The following NFXL1 variants were observed in gnomAD, a reference collection of about 807,000 sequenced individuals.
NFXL1 encodes the protein NF-X1-type zinc finger protein NFXL1.
NFXL1 carries 66 observed loss-of-function variants against 123.3 expected under a neutral mutation model. The observed-to-expected ratio is 0.54, with a 90% CI of 0.44 to 0.66. The LOEUF (loss-of-function observed/expected upper bound fraction) is 0.66. Among genes scored for constraint, NFXL1 ranks in the 30% least tolerant of loss-of-function variants. The pLI is 0.00. For synonymous variants in NFXL1, 346 were observed against 360.8 expected (o/e 0.96, Z 0.46); for missense variants, 944 against 1,125.6 (o/e 0.84, Z 2.31).
At position 47,848,083 on chromosome 4, in the gene NFXL1, T is replaced by C; in HGVS notation, c.*80A>G. The stretch of plus-strand genomic sequence containing the variant: ...GAATGTAAATATATATCATGTTCTA[T>C]AATATACATTTTCTAATATTTCAAA... On this transcript the variant is annotated 3_prime_UTR_variant, in exon 23 of 23. Transcript: ENST00000507489. 2.4e-6 allele frequency: 2 copies of C among 850,990 alleles called. No individual in the cohort carries two copies. The highest frequency in any genetic ancestry group is 3.7e-5 in the South Asian group (2 of 54,232). The allele number at this position is 850,990 out of a possible 1,614,324, so 52.7% of individuals were successfully genotyped here.
chr4:47,897,436 CA>C (rs1482693752), intron 9 of NFXL1, among the ~76,000 whole-genome samples: 3 of 152,156 alleles, frequency 2.0e-5, no homozygotes, highest in African/African-American at 7.2e-5. Context: ...AAAGCTTACT[CA>C]AAGTGCCATC....
chr4:47,854,710 C>G (rs541820857), intron 20 of NFXL1, among the ~76,000 whole-genome samples: 2 of 152,084 alleles, frequency 1.3e-5, no homozygotes, highest in Non-Finnish European at 2.9e-5. Flanking sequence ...AGCAATGAAA[C>G]ATTCTACCCG....
chr4:47,881,706 T>G (rs1003776118), intron 15 of NFXL1, among the ~76,000 whole-genome samples: 15 of 152,086 alleles, frequency 9.9e-5, no homozygotes, highest in African/African-American at 3.1e-4. Context: ...ATGATAAAAA[T>G]AAATGAGCTA....
chr4:47,907,418 C>T (rs6826909), intron 3 of NFXL1, among the ~76,000 whole-genome samples: 125,806 of 152,218 alleles, frequency 0.83, 52,202 homozygotes, highest in East Asian at 0.98. Context: ...GATGGGTCCA[C>T]GTGCCAGCAA....
chr4:47,890,711 GA>G lies in NFXL1; in HGVS notation c.1453-9del. 1 of 1,539,392 alleles carries G rather than the reference GA, an allele frequency of 6.5e-7. No individual in the cohort carries two copies. Among genetic ancestry groups the G allele is most frequent in the Non-Finnish European group, 9.0e-7 (1 of 1,112,904 alleles). On this transcript the variant is annotated splice_polypyrimidine_tract_variant and intron_variant, in intron 11 of 22. Coordinates refer to ENST00000507489, the MANE Select transcript of NFXL1 (RefSeq NM_001278624.2). ...ACAGTTTCCAGGGCAACACTGAAGA[GA>G]AAGCAATATATAAAGAACAGGTAAT...
At chr4:47,898,451 C>T (rs1372239160) in intron 8 of NFXL1, among the ~76,000 whole-genome samples, 2 of 151,886 alleles carry the variant, frequency 1.3e-5, no homozygotes, top group African/African-American at 2.4e-5. Flanking sequence ...ATTCAAGAAG[C>T]AGGGAGGCGT....
chr4:47,909,248 T>C (rs967620726), intron 3 of NFXL1, among the ~76,000 whole-genome samples: 1 of 152,136 alleles, frequency 6.6e-6, no homozygotes, highest in Non-Finnish European at 1.5e-5. Context: ...AAGCCAAGAA[T>C]CAAACCGTAG....
In NFXL1 at chr4:47,862,915, T is replaced by C; in HGVS notation, c.2247A>G (p.Arg749=). 1 of 1,545,988 alleles carries C rather than the reference T, an allele frequency of 6.5e-7. No homozygotes were observed. Among genetic ancestry groups the C allele is most frequent in the Non-Finnish European group, 8.7e-7 (1 of 1,146,448 alleles). The change falls in exon 19 of 23, where the codon AGA becomes AGG. Residue 749 remains arginine, a splice_region_variant and synonymous_variant. Transcript: ENST00000507489. ...CKITSLYVEC[R]KITTADVNEK... ...CATTTACATCAGCTGTGGTTATTTTTCTAAAAATAAGAAAGTTGATGACAT... is the reference window on the plus strand; with the variant it reads ...CATTTACATCAGCTGTGGTTATTTTCCTAAAAATAAGAAAGTTGATGACAT...
intron 18 of NFXL1, among the ~76,000 whole-genome samples, chr4:47,874,320 G>A (rs1735612945): frequency 6.6e-6 from 1 of 152,076 alleles, no homozygotes; most frequent in Non-Finnish European, 1.5e-5. Context: ...ATCATTTCTA[G>A]CTTTTGATTT....
intron 15 of NFXL1, among the ~76,000 whole-genome samples, chr4:47,883,235 C>T (rs1255371872): frequency 7.3e-5 from 11 of 150,928 alleles, no homozygotes; most frequent in Admixed American, 6.6e-5. Flanking sequence ...ACGGAGACTC[C>T]GTCTCAAAGA....
At position 47,884,274 on chromosome 4, in the gene NFXL1, G is replaced by T. The variant is rs1736294446; in HGVS notation, c.1916+72C>A. The T allele has an allele frequency of 1.2e-5, 10 of 812,798 alleles. No individual in the cohort carries two copies. In the South Asian group the frequency reaches 1.5e-4, roughly 12 times the overall value. The allele number at this position is 812,798 out of a possible 1,614,324, so 50.3% of individuals were successfully genotyped here. ...ACTGAACTAAGAAAAAAGGGAGATT[G>T]ACTTCAGATACCCTTTAAGCTATGT... On this transcript the variant is annotated intron_variant, in intron 15 of 22. Coordinates refer to ENST00000507489, the MANE Select transcript of NFXL1 (RefSeq NM_001278624.2).
intron 22 of NFXL1, among the ~76,000 whole-genome samples, chr4:47,849,195 A>G (rs1309749857): frequency 6.6e-6 from 1 of 152,202 alleles, no homozygotes; most frequent in African/African-American, 2.4e-5. Context: ...TAAAAATAGT[A>G]AAAATTCTTC....
chr4:47,903,391 T>G, intron 4 of NFXL1, 68 bp from the exon 5 acceptor site: 1 of 1,097,928 alleles, frequency 9.1e-7, no homozygotes, highest in Admixed American at 3.1e-5. Context: ...TAATTTAAAA[T>G]GAGTATCACA....
intron 12 of NFXL1, among the ~76,000 whole-genome samples, chr4:47,887,307 C>T (rs902926488): frequency 1.3e-5 from 2 of 151,910 alleles, no homozygotes; most frequent in African/African-American, 4.8e-5. Context: ...AAACATGGAC[C>T]GGGAGTTAAC....
chr4:47,899,333 C>A (rs768922384), intron 6 of NFXL1, 37 bp downstream of exon 6: 115 of 1,506,306 alleles, frequency 7.6e-5, no homozygotes, highest in Non-Finnish European at 9.9e-5. Flanking sequence ...AAGAAATAAT[C>A]ACCCACAAAC....
rs1223155636 is a variant in NFXL1 at position 47,851,805 on chromosome 4, T to C, written c.2508+51A>G. On this transcript the variant is annotated intron_variant, in intron 21 of 22. Coordinates refer to ENST00000507489, the MANE Select transcript of NFXL1 (RefSeq NM_001278624.2). ...TTAATAAGTACATAAATGCACAAAA[T>C]AAGAAGGGAAAGGCCACTAGTCTTT... 3 of 1,182,102 alleles carry C rather than the reference T, an allele frequency of 2.5e-6. No individual in the cohort carries two copies. The African/African-American group carries it at 4.6e-5, about 18-fold the overall frequency. 73.2% of individuals were successfully genotyped at this position (1,182,102 alleles called of 1,614,324 possible). A position where few individuals can be genotyped will look rare whatever the true frequency, so the allele number is the denominator to read the frequency against.
At chr4:47,880,952 G>A (rs1419527560) in intron 15 of NFXL1, among the ~76,000 whole-genome samples, 3 of 151,976 alleles carry the variant, frequency 2.0e-5, no homozygotes, top group Admixed American at 6.6e-5. Context: ...GGATGGAAAA[G>A]GTAGAGGGAG....
chr4:47,881,188 A>G (rs893777137), intron 15 of NFXL1, among the ~76,000 whole-genome samples: 35 of 152,128 alleles, frequency 2.3e-4, no homozygotes, highest in Admixed American at 1.7e-3. Flanking sequence ...AAATAGCTAG[A>G]AAAGAGGATA....
chr4:47,876,969 T>C, intron 17 of NFXL1: 1 of 562,868 alleles, frequency 1.8e-6, no homozygotes, highest in Non-Finnish European at 2.7e-6. Flanking sequence ...GAGCAAATAT[T>C]AGGCAGTGAG....
Sources: gnomAD v4.1 joint callset for allele counts (sites outside exome capture counted in the v4.1 genomes callset) on GRCh38, gnomAD v4.1.1 for gene constraint, MANE v1.5 for transcripts, NCBI Gene and HGNC (gene_info 2026-07-23, HGNC 2026-07-21) for gene names.